Variants in CREG1 observed in about 807,000 individuals in gnomAD.
CREG1 encodes protein CREG1.
In CREG1, 20 loss-of-function variants were observed where a neutral mutation model predicts 19.9. The ratio of observed to expected loss-of-function variants is 1.01; its 90% CI spans 0.71 to 1.46. The LOEUF is 1.46. CREG1 is among the 40% of genes most tolerant of loss of function. The pLI is 0.00. For missense variants in CREG1, 290 were observed against 314.9 expected, an observed-to-expected ratio of 0.92 and a Z score of 0.60; for synonymous variants, 141 against 143.3, an observed-to-expected ratio of 0.98 and a Z score of 0.12.
intron 1 of CREG1, among the ~76,000 whole-genome samples, chr1:167,553,052 GAAAA>G (rs61415477): frequency 7.0e-6 from 1 of 142,200 alleles, no homozygotes. Flanking sequence ...GTCTCAAAGG[GAAAA>G]AAAAAAAAAA....
chr1:167,546,309 C>A, intron 2 of CREG1, 24 bp from the exon 3 acceptor site: 1 of 1,457,834 alleles, frequency 6.9e-7, no homozygotes, highest in South Asian at 1.2e-5. Flanking sequence ...ATGAAATAAA[C>A]ATTCTTATGG....
chr1:167,547,870 G>A (rs943793055), intron 2 of CREG1, 132 bp downstream of exon 2: 36 of 970,092 alleles, frequency 3.7e-5, no homozygotes, highest in Middle Eastern at 2.4e-4. Flanking sequence ...GCAGTAAGCC[G>A]AGATCACACC....
At chr1:167,551,759 T>G (rs1380138067) in intron 1 of CREG1, among the ~76,000 whole-genome samples, 1 of 152,212 alleles carries the variant, frequency 6.6e-6, no homozygotes, top group Non-Finnish European at 1.5e-5. Context: ...TAAAGCCTTC[T>G]TAGGTGACTA....
intron 3 of CREG1, among the ~76,000 whole-genome samples, chr1:167,545,556 G>T (rs1656302718): frequency 6.6e-6 from 1 of 152,124 alleles, no homozygotes; most frequent in Non-Finnish European, 1.5e-5. Flanking sequence ...GCCAGGCATG[G>T]TCGCTCATGC....
At chr1:167,546,078 G>A (rs754848188) in intron 3 of CREG1, 23 bp downstream of exon 3, 22 of 1,560,788 alleles carry the variant, frequency 1.4e-5, no homozygotes, top group South Asian at 1.1e-4. Context: ...GCAATCTTAG[G>A]TGAAAGATGT....
intron 3 of CREG1, among the ~76,000 whole-genome samples, chr1:167,545,721 G>A (rs760915841): frequency 1.3e-5 from 2 of 151,770 alleles, no homozygotes; most frequent in Non-Finnish European, 2.9e-5. Context: ...CATAAGAATC[G>A]TTTGAACCCA....
rs184084767 is a variant in CREG1 at position 167,551,934 on chromosome 1, G to A, written c.354+1454C>T. Among the ~76,000 whole-genome samples the A allele has an allele frequency of 1.6e-3, 251 of 152,310 alleles. 1 individual carries two copies. The highest frequency in any genetic ancestry group is 5.8e-3 in the African/African-American group (241 of 41,564). ...TTCTGTTTTTGCTCAAAGAGTGCAGGCCCACAGTGTCACTGGATCTTCCCA... is the reference window on the plus strand; with the variant it reads ...TTCTGTTTTTGCTCAAAGAGTGCAGACCCACAGTGTCACTGGATCTTCCCA... On this transcript the variant is annotated intron_variant, in intron 1 of 3. Coordinates refer to ENST00000370509, the MANE Select transcript of CREG1 (RefSeq NM_003851.3).
At chr1:167,553,029 A>T (rs1030039316) in intron 1 of CREG1, among the ~76,000 whole-genome samples, 1 of 147,070 alleles carries the variant, frequency 6.8e-6, no homozygotes, top group Non-Finnish European at 1.5e-5. Context: ...CCTGGGCCAC[A>T]AAGTGAGATT....
intron 1 of CREG1, among the ~76,000 whole-genome samples, chr1:167,550,042 T>G (rs752954072): frequency 2.0e-5 from 3 of 152,098 alleles, no homozygotes; most frequent in Non-Finnish European, 4.4e-5. Context: ...CAGGCTGGAG[T>G]GCAATGGCGT....
intron 2 of CREG1, among the ~76,000 whole-genome samples, chr1:167,547,277 C>A (rs548491619): frequency 3.2e-4 from 48 of 152,282 alleles, no homozygotes; most frequent in African/African-American, 1.1e-3. Flanking sequence ...AATGGATAGT[C>A]CTCTGGTTGG....
intron 1 of CREG1, among the ~76,000 whole-genome samples, chr1:167,552,542 A>G (rs1243985780): frequency 6.6e-6 from 1 of 152,208 alleles, no homozygotes; most frequent in African/African-American, 2.4e-5. Flanking sequence ...TACACCTTCA[A>G]TCAGCTCTGC....
rs1480869990 is a variant in CREG1, at chr1:167,553,455, G to C, written c.287C>G (p.Pro96Arg). The change falls in exon 1 of 4, where the codon CCG becomes CGG. Residue 96 changes from proline to arginine, a missense_variant. Coordinates refer to ENST00000370509, the MANE Select transcript of CREG1 (RefSeq NM_003851.3). ...ADVLSLSDGP[P>R]GAGSGVPYFY... ...ATAGGGCACGCCGCTGCCCGCGCCC[G>C]GGGGCCCGTCGCTGAGCGAGAGGAC... 6.8e-7 allele frequency: 1 copy of C among 1,480,260 alleles called. No homozygotes were observed. Among genetic ancestry groups the C allele is most frequent in the Non-Finnish European group, 8.9e-7 (1 of 1,122,376 alleles). 91.7% of individuals were successfully genotyped at this position (1,480,260 alleles called of 1,614,324 possible).
intron 2 of CREG1, among the ~76,000 whole-genome samples, chr1:167,547,053 AC>A (rs750107349): frequency 6.6e-6 from 1 of 152,276 alleles, no homozygotes; most frequent in Non-Finnish European, 1.5e-5. Flanking sequence ...CCAGTGAAGG[AC>A]ACTCAACTAC....
chr1:167,544,810 A>T (rs1656289477), intron 3 of CREG1, among the ~76,000 whole-genome samples: 1 of 152,238 alleles, frequency 6.6e-6, no homozygotes, highest in African/African-American at 2.4e-5. Flanking sequence ...ATGAGTTAAT[A>T]CATGAAAAGT....
At chr1:167,542,681 C>T (rs946576580) in intron 3 of CREG1, among the ~76,000 whole-genome samples, 1 of 152,188 alleles carries the variant, frequency 6.6e-6, no homozygotes, top group Non-Finnish European at 1.5e-5. Flanking sequence ...CAGAAGGGGT[C>T]CTGAACATCA....
rs1368906410 is a variant in CREG1, at chr1:167,546,121, T to C, written c.639A>G (p.Glu213=). ...FGGPKIVTPE[E]YYNVTVQ ...CTTACTGAACTGTGACATTATAATA[T>C]TCTTCTGGTGTCACGATTTTTGGTC... Residue 213 remains glutamate, a synonymous_variant, in exon 3 of 4, where the codon GAA becomes GAG. Transcript: ENST00000370509. The C allele has an allele frequency of 6.2e-7, 1 of 1,604,226 alleles. No homozygotes were observed. The highest frequency in any genetic ancestry group is 8.5e-7 in the Non-Finnish European group (1 of 1,175,578).
chr1:167,545,619 G>C (rs1656303833), intron 3 of CREG1, among the ~76,000 whole-genome samples: 1 of 152,100 alleles, frequency 6.6e-6, no homozygotes, highest in African/African-American at 2.4e-5. Context: ...CTGAGCTCAG[G>C]AGTTCGACAC....
rs1364915976 is a variant in CREG1 at position 167,541,597 on chromosome 1, T to C, written c.*701A>G. 1 of 152,258 alleles carries C rather than the reference T, an allele frequency of 6.6e-6. No homozygotes were observed. Among genetic ancestry groups the C allele is most frequent in the Non-Finnish European group, 1.5e-5 (1 of 68,046 alleles). The allele number at this position is 152,258 out of a possible 1,614,324, so 9.4% of individuals were successfully genotyped here. On this transcript the variant is annotated 3_prime_UTR_variant, in exon 4 of 4. Transcript: ENST00000370509. ...GTGTGCACATGTGTTTTGATAATAC[T>C]GTTTCGACTTAGGTGGGGAAATTAA... is the stretch of plus-strand genomic sequence containing the variant.
At chr1:167,550,561 C>G (rs1417803731) in intron 1 of CREG1, among the ~76,000 whole-genome samples, 1 of 152,078 alleles carries the variant, frequency 6.6e-6, no homozygotes, top group African/African-American at 2.4e-5. Context: ...ACTGTCAGGA[C>G]TTGGGAACTG....
Sources: gnomAD v4.1 joint callset for allele counts (sites outside exome capture counted in the v4.1 genomes callset) on GRCh38, gnomAD v4.1.1 for gene constraint, MANE v1.5 for transcripts, NCBI Gene and HGNC (gene_info 2026-07-23, HGNC 2026-07-21) for gene names.